SERINC5: variants seen among roughly 807,000 people sequenced by gnomAD.
SERINC5 encodes the protein serine incorporator 5, also known as chromosome 5 open reading frame 12.
A neutral mutation model predicts 63.1 loss-of-function variants in SERINC5; 41 were observed. The observed-to-expected ratio is 0.65, with a 90% confidence interval of 0.51 to 0.84. The LOEUF is 0.84. Among genes scored for constraint, SERINC5 ranks in the 40% least tolerant of loss-of-function variants. SERINC5 has a pLI of 0.00. For missense variants in SERINC5, 523 were observed against 573.0 expected, an observed-to-expected ratio of 0.91 and a Z score of 0.89; for synonymous variants, 222 against 215.2, an observed-to-expected ratio of 1.03 and a Z score of -0.28.
intron 1 of SERINC5, among the ~76,000 whole-genome samples, chr5:80,231,577 T>G (rs1043446754): frequency 1.3e-5 from 2 of 151,398 alleles, no homozygotes; most frequent in Non-Finnish European, 2.9e-5. Context: ...CCAGCCCCAG[T>G]AGGTCTAAAT....
chr5:80,190,409 A>G (rs1019484310), intron 2 of SERINC5, among the ~76,000 whole-genome samples: 2 of 152,004 alleles, frequency 1.3e-5, no homozygotes, highest in African/African-American at 4.8e-5. Flanking sequence ...TATAATTTGT[A>G]AAAATCCAGT....
intron 1 of SERINC5, among the ~76,000 whole-genome samples, chr5:80,225,507 C>T (rs1751128576): frequency 6.6e-6 from 1 of 152,166 alleles, no homozygotes; most frequent in Admixed American, 6.5e-5. Context: ...TCATTCCCAA[C>T]ATAGAGACAA....
intron 7 of SERINC5, among the ~76,000 whole-genome samples, chr5:80,165,081 A>G (rs1747200067): frequency 6.6e-6 from 1 of 152,044 alleles, no homozygotes; most frequent in African/African-American, 2.4e-5. Context: ...CCATTTAAAA[A>G]ATATTGTAAA....
At chr5:80,121,913 C>T (rs78697643) in intron 11 of SERINC5, among the ~76,000 whole-genome samples, 1 of 151,962 alleles carries the variant, frequency 6.6e-6, no homozygotes, top group South Asian at 2.1e-4. Flanking sequence ...GAGGGATCTG[C>T]CCCCACGACC....
intron 1 of SERINC5, chr5:80,255,309 T>C (rs1262238574): frequency 6.5e-6 from 1 of 154,088 alleles, no homozygotes; most frequent in Non-Finnish European, 1.4e-5. Context: ...GAGCCAGGGT[T>C]GGGTCGGGAA....
chr5:80,210,062 A>T lies in SERINC5; in HGVS notation c.28-7009T>A, dbSNP rs183037857. On this transcript the variant is annotated intron_variant, in intron 1 of 11. Coordinates refer to ENST00000507668, the MANE Select transcript of SERINC5 (RefSeq NM_001174072.3). ...CACAGAGATCCTATCTCAAAAAAGA[A>T]ATAAAATAAAAGCAACTAAGTTGAA... Among the ~76,000 whole-genome samples, 5 of 151,666 alleles carry T rather than the reference A, an allele frequency of 3.3e-5. No homozygotes were observed. The East Asian group carries it at 7.8e-4, about 24-fold the overall frequency.
At chr5:80,173,981 A>G (rs1467424143) in intron 5 of SERINC5, among the ~76,000 whole-genome samples, 1 of 152,122 alleles carries the variant, frequency 6.6e-6, no homozygotes, top group Non-Finnish European at 1.5e-5. Flanking sequence ...AAAGGAAAAA[A>G]AAAGAACACA....
intron 3 of SERINC5, 119 bp from the exon 4 acceptor site, chr5:80,177,516 C>T: frequency 1.3e-6 from 1 of 791,818 alleles, no homozygotes; most frequent in Middle Eastern, 2.4e-4. Flanking sequence ...AATGTTCTCT[C>T]CTAATCAAGG....
intron 2 of SERINC5, among the ~76,000 whole-genome samples, chr5:80,183,198 T>C (rs10058052): frequency 0.39 from 58,900 of 152,042 alleles, 11,877 homozygotes; most frequent in Non-Finnish European, 0.43. Flanking sequence ...GAGCTCACAA[T>C]TGGCAGGAGA....
intron 5 of SERINC5, among the ~76,000 whole-genome samples, chr5:80,173,292 G>C (rs144877092): frequency 1.3e-5 from 2 of 150,932 alleles, no homozygotes; most frequent in Admixed American, 1.3e-4. Flanking sequence ...AAAATGAAAT[G>C]AAATGAAATG....
chr5:80,216,465 A>G (rs2112527389), intron 1 of SERINC5, among the ~76,000 whole-genome samples: 1 of 152,316 alleles, frequency 6.6e-6, no homozygotes, highest in African/African-American at 2.4e-5. Context: ...TGTGTGTGAG[A>G]AAACTTGTTG....
At chr5:80,229,641 GA>G (rs34079930) in intron 1 of SERINC5, among the ~76,000 whole-genome samples, 1 of 151,838 alleles carries the variant, frequency 6.6e-6, no homozygotes, top group South Asian at 2.1e-4. Flanking sequence ...AAAAGAAAAG[GA>G]AAAAACAAAA....
At chr5:80,196,639 C>A (rs1280544422) in intron 2 of SERINC5, among the ~76,000 whole-genome samples, 2 of 152,144 alleles carry the variant, frequency 1.3e-5, no homozygotes, top group Admixed American at 6.5e-5. Context: ...AAATGTCCAT[C>A]AACTGACAAA....
At chr5:80,150,196 G>C (rs1746079897) in intron 9 of SERINC5, among the ~76,000 whole-genome samples, 2 of 152,142 alleles carry the variant, frequency 1.3e-5, no homozygotes, top group African/African-American at 4.8e-5. Context: ...TGTGTATGGA[G>C]GGCACAGACA....
chr5:80,137,417 G>A (rs1257744843), downstream of SERINC5, among the ~76,000 whole-genome samples: 2 of 150,970 alleles, frequency 1.3e-5, no homozygotes, highest in Non-Finnish European at 3.0e-5. Flanking sequence ...AAGACAGGCG[G>A]ATCATGAGGT....
intron 1 of SERINC5, among the ~76,000 whole-genome samples, chr5:80,218,366 C>A (rs1750761236): frequency 6.6e-6 from 1 of 152,162 alleles, no homozygotes; most frequent in South Asian, 2.1e-4. Context: ...TATGAAGAAA[C>A]CCCATCTCTA....
intron 7 of SERINC5, among the ~76,000 whole-genome samples, chr5:80,163,241 C>T (rs944080391): frequency 6.6e-6 from 1 of 151,966 alleles, no homozygotes; most frequent in African/African-American, 2.4e-5. Context: ...TTTGGTGGAG[C>T]CTTTTGGGTT....
intron 11 of SERINC5, among the ~76,000 whole-genome samples, chr5:80,123,169 CA>C (rs1744613730): frequency 6.6e-6 from 1 of 152,190 alleles, no homozygotes; most frequent in Non-Finnish European, 1.5e-5. Context: ...GATCATAGCC[CA>C]TTGTAACCTC....
In SERINC5 at chr5:80,241,998, A is replaced by G. The variant is rs1404089810; in HGVS notation, c.27+13898T>C. Among the ~76,000 whole-genome samples, 3 of 151,646 alleles carry G rather than the reference A, an allele frequency of 2.0e-5. No individual in the cohort carries two copies. In the East Asian group the frequency reaches 5.9e-4, roughly 30 times the overall value. On this transcript the variant is annotated intron_variant, in intron 1 of 11. Transcript: ENST00000507668. ...AAAAAAAAAAAATCCATGTCAGGTG[A>G]TGCATATCTGTAGTCCTAGCTCCTT...
Sources: gnomAD v4.1 joint callset for allele counts (sites outside exome capture counted in the v4.1 genomes callset) on GRCh38, gnomAD v4.1.1 for gene constraint, MANE v1.5 for transcripts, NCBI Gene and HGNC (gene_info 2026-07-23, HGNC 2026-07-21) for gene names.